Variants in EML2 observed in about 807,000 individuals in gnomAD.
EML2 encodes EMAP like 2.
A neutral mutation model predicts 84.7 loss-of-function variants in EML2; 59 were observed. That is an observed-to-expected ratio of 0.70 (90% CI 0.56 to 0.86). EML2 has a LOEUF of 0.86. Among genes scored for constraint, EML2 ranks in the 40% least tolerant of loss-of-function variants. The pLI is 0.00. For missense variants in EML2, 818 were observed against 855.6 expected (o/e 0.96, Z 0.55); for synonymous variants, 352 against 348.9 (o/e 1.01, Z -0.10).
At chr19:45,616,412 A>AC (rs1346164944) in intron 15 of EML2, 49 bp downstream of exon 15, 3 of 1,430,552 alleles carry the variant, frequency 2.1e-6, no homozygotes, top group African/African-American at 2.8e-5. Context: ...TTAATTTTGC[A>AC]CCCCCTGGGC....
At chr19:45,620,453 A>G (rs2046716819) in intron 11 of EML2, among the ~76,000 whole-genome samples, 2 of 152,188 alleles carry the variant, frequency 1.3e-5, no homozygotes, top group South Asian at 4.1e-4. Flanking sequence ...TCATGCCTGT[A>G]ATCCCCGCAT....
chr19:45,642,894 G>A (rs1568499799), upstream of EML2: 1 of 151,638 alleles, frequency 6.6e-6, no homozygotes, highest in African/African-American at 2.4e-5. Flanking sequence ...GGCTGAGACG[G>A]GAATCGCTTG....
chr19:45,627,555 A>ATACG (rs1972518525), intron 7 of EML2, among the ~76,000 whole-genome samples: 2 of 151,812 alleles, frequency 1.3e-5, no homozygotes, highest in Non-Finnish European at 2.9e-5. Flanking sequence ...ACGCCTGGCC[A>ATACG]GTACCTTTCC....
upstream of EML2, chr19:45,644,624 C>T (rs1974890409): frequency 4.4e-6 from 2 of 453,568 alleles, no homozygotes; most frequent in East Asian, 7.0e-5. Flanking sequence ...CCTGACCATC[C>T]CCCCATCCTC....
intron 15 of EML2, 32 bp from the exon 16 acceptor site, chr19:45,615,921 T>G (rs775430732): frequency 2.6e-6 from 4 of 1,556,420 alleles, no homozygotes; most frequent in Admixed American, 1.7e-5. Context: ...GTGTTAGAGC[T>G]GCAGAGGGCG....
chr19:45,617,826 C>G, intron 12 of EML2, 129 bp from the exon 13 acceptor site: 2 of 678,636 alleles, frequency 2.9e-6, no homozygotes, highest in Non-Finnish European at 5.0e-6. Flanking sequence ...CCCTTTGGGA[C>G]ACCCCCACCC....
Position 45,609,548 on chromosome 19 carries a change from C to A in EML2, c.*115G>T, listed in dbSNP as rs1048338092. ...TTCTGTATGTCAGTCTACCCTCCCG[C>A]CCCCATAACCCCCTCTGCTATAGAC... On this transcript the variant is annotated 3_prime_UTR_variant, in exon 19 of 19. Transcript: ENST00000245925. 9 of 1,155,030 alleles carry A rather than the reference C, an allele frequency of 7.8e-6. No homozygotes were observed. The Admixed American group carries it at 2.7e-4, about 35-fold the overall frequency. 71.5% of individuals were successfully genotyped at this position (1,155,030 alleles called of 1,614,324 possible).
intron 3 of EML2, among the ~76,000 whole-genome samples, chr19:45,635,802 C>T (rs941122024): frequency 2.0e-5 from 3 of 150,846 alleles, no homozygotes; most frequent in Non-Finnish European, 4.4e-5. Flanking sequence ...ATGTTGGTCA[C>T]GCTGGTCTTG....
chr19:45,616,399 T>C, intron 15 of EML2, 62 bp downstream of exon 15: 1 of 1,275,542 alleles, frequency 7.8e-7, no homozygotes, highest in African/African-American at 1.5e-5. Context: ...GGTAGAAAAT[T>C]GGTTAATTTT....
intron 18 of EML2, 29 bp downstream of exon 18, chr19:45,613,512 G>T: frequency 6.2e-7 from 1 of 1,610,460 alleles, no homozygotes; most frequent in Non-Finnish European, 8.5e-7. Context: ...TGCTACCCCC[G>T]TCCATCCCCA....
Position 45,616,578 on chromosome 19 carries a change from G to C in EML2, c.1412-20C>G, listed in dbSNP as rs778018008. On this transcript the variant is annotated intron_variant, in intron 14 of 18. Coordinates refer to ENST00000245925, the MANE Select transcript of EML2 (RefSeq NM_012155.4). ...CCCCGTCTGGGGGAGGGGGAGGGGG[G>C]CTATGAGGAGGCACCCAGGCTCCAT... 6.3e-7 allele frequency: 1 copy of C among 1,584,274 alleles called. No individual in the cohort carries two copies. Among genetic ancestry groups the C allele is most frequent in the Admixed American group, 1.7e-5 (1 of 59,448 alleles).
chr19:45,638,380 C>G (rs1974019063), intron 3 of EML2, 125 bp downstream of exon 3: 1 of 1,395,942 alleles, frequency 7.2e-7, no homozygotes, highest in Non-Finnish European at 1.0e-6. Context: ...CCAGGCAGGT[C>G]TCAAACTCTT....
chr19:45,644,979 A>G (rs11670375), upstream of EML2: 81,275 of 509,958 alleles, frequency 0.16, 8,268 homozygotes, highest in East Asian at 0.45. Context: ...TCCAGGCCCA[A>G]TCGACCCCCA....
chr19:45,631,688 A>T lies in EML2; in HGVS notation c.510+1173T>A, dbSNP rs116178742. On this transcript the variant is annotated intron_variant, in intron 6 of 18. Transcript: ENST00000245925. Reference sequence around the variant, plus strand: ...CTCCCAAAGTGCTGGGATTACAGGCATGAACCGCATCTGACCAATTTTTAT... The same window carrying T: ...CTCCCAAAGTGCTGGGATTACAGGCTTGAACCGCATCTGACCAATTTTTAT... Among the ~76,000 whole-genome samples, 444 of 152,006 alleles carry T rather than the reference A, an allele frequency of 2.9e-3. 6 individuals are homozygous for T. Among genetic ancestry groups the T allele is most frequent in the African/African-American group, 9.9e-3 (411 of 41,450 alleles).
At chr19:45,638,228 G>T (rs1033693825) in intron 3 of EML2, among the ~76,000 whole-genome samples, 1 of 152,170 alleles carries the variant, frequency 6.6e-6, no homozygotes, top group Non-Finnish European at 1.5e-5. Context: ...GGCCAGGTAC[G>T]GGCTGGACTG....
intron 18 of EML2, among the ~76,000 whole-genome samples, chr19:45,610,661 A>C (rs1970398305): frequency 6.6e-6 from 1 of 151,530 alleles, no homozygotes; most frequent in South Asian, 2.1e-4. Flanking sequence ...AACGTGGTAA[A>C]ACCCTGTCTC....
chr19:45,632,741 G>A, intron 6 of EML2, 120 bp downstream of exon 6: 1 of 820,412 alleles, frequency 1.2e-6, no homozygotes, highest in Non-Finnish European at 2.0e-6. Flanking sequence ...ACGTCACAGA[G>A]GCGGGCCACG....
At chr19:45,615,339 CT>C (rs1970908531) in intron 16 of EML2, among the ~76,000 whole-genome samples, 1 of 127,118 alleles carries the variant, frequency 7.9e-6, no homozygotes, top group South Asian at 2.7e-4. Flanking sequence ...AAACTCCCAT[CT>C]CAAAAAAAAA....
chr19:45,643,556 C>G (rs1294300269), upstream of EML2: 10 of 1,535,934 alleles, frequency 6.5e-6, no homozygotes, highest in Middle Eastern at 1.7e-4. Context: ...CCCTCTCCCC[C>G]TTTTCCCGCA....
Sources: allele counts gnomAD v4.1 joint callset (sites outside exome capture counted in the v4.1 genomes callset), GRCh38; gene constraint gnomAD v4.1.1; transcripts MANE v1.5; gene names NCBI Gene and HGNC (gene_info 2026-07-23, HGNC 2026-07-21).